The following IL10 variants were observed in gnomAD, a reference collection of about 807,000 sequenced individuals.
The protein encoded by IL10 is interleukin 10.
A neutral mutation model predicts 21.0 loss-of-function variants in IL10; 7 were observed. The ratio of observed to expected loss-of-function variants is 0.33; its 90% CI spans 0.19 to 0.63. IL10 has a LOEUF of 0.63. Ranked by LOEUF, IL10 falls within the 20% of genes least tolerant of loss-of-function variation. The probability of loss-of-function intolerance (pLI) is 0.77; values close to 1 mark genes in which losing one functional copy is unlikely to be tolerated. For synonymous variants in IL10, 83 were observed against 79.7 expected (o/e 1.04, Z -0.22); for missense variants, 161 against 213.0 (o/e 0.76, Z 1.52).
chr1:206,770,724 A>AC (rs2102438830), intron 3 of IL10, 183 bp downstream of exon 3: 4 of 642,398 alleles, frequency 6.2e-6, no homozygotes, highest in Non-Finnish European at 1.1e-5. Context: ...CCTAGCAGCC[A>AC]CCCCCAACGC....
intron 3 of IL10, 125 bp from the exon 4 acceptor site, chr1:206,770,019 C>A: frequency 1.4e-6 from 1 of 737,490 alleles, no homozygotes. Context: ...CTCACAGCTC[C>A]CAGAGAGAAC....
rs760738439 is a variant in IL10, at chr1:206,768,728, G to A, written c.445C>T (p.Leu149Phe). The change falls in exon 5 of 5, where the codon CTC becomes TTC. Residue 149 changes from leucine (L) to phenylalanine (F), a missense_variant and splice_region_variant. By Grantham distance (22) the Leu-to-Phe change is conservative (BLOSUM62 0). Coordinates refer to ENST00000423557, the MANE Select transcript of IL10 (RefSeq NM_000572.3). ...VEQVKNAFNK[L>F]QEKGIYKAMS... ...GCTTTGTAGATGCCTTTCTCTTGGA[G>A]CTGTGCAGAGAGATAAGAAACATAC... 6.3e-7 allele frequency: 1 copy of A among 1,584,882 alleles called. No individual in the cohort carries two copies. The highest frequency in any genetic ancestry group is 2.2e-5 in the East Asian group (1 of 44,730).
intron 3 of IL10, chr1:206,770,689 T>G: frequency 1.7e-6 from 1 of 589,352 alleles, no homozygotes; most frequent in Non-Finnish European, 3.0e-6. Context: ...ACAGGAAAGC[T>G]GTTTGCAAAT....
At chr1:206,772,203 G>T in intron 1 of IL10, 68 bp downstream of exon 1, 1 of 1,417,924 alleles carries the variant, frequency 7.1e-7, no homozygotes, top group Non-Finnish European at 1.0e-6. Flanking sequence ...GGTTCTTATA[G>T]TTCCAGGAGA....
Position 206,768,504 on chromosome 1 carries a change from T to C in IL10, c.*132A>G. 2 of 670,580 alleles carry C rather than the reference T, an allele frequency of 3.0e-6. No individual in the cohort carries two copies. Among genetic ancestry groups the C allele is most frequent in the Non-Finnish European group, 2.7e-6 (1 of 368,412 alleles). 41.5% of individuals were successfully genotyped at this position (670,580 alleles called of 1,614,324 possible). A position where few individuals can be genotyped will look rare whatever the true frequency, so the allele number is the denominator to read the frequency against. ...GAAATGGGGGTTGAGGTATCAGAGG[T>C]AATAAATATTCTATAAGAGAGGTAC... On this transcript the variant is annotated 3_prime_UTR_variant, in exon 5 of 5. Coordinates refer to ENST00000423557, the MANE Select transcript of IL10 (RefSeq NM_000572.3).
chr1:206,771,309 C>T lies in IL10; in HGVS notation c.225+47G>A, dbSNP rs777530778. On this transcript the variant is annotated intron_variant, in intron 2 of 4. Coordinates refer to ENST00000423557, the MANE Select transcript of IL10 (RefSeq NM_000572.3). Reference sequence around the variant, plus strand: ...CAATCAGGAAGCAGAGTCTCCCTTCCCTTAATCATGCTGCACACTCCCCCA... The same window carrying T: ...CAATCAGGAAGCAGAGTCTCCCTTCTCTTAATCATGCTGCACACTCCCCCA... 42 of 1,533,758 alleles carry T rather than the reference C, an allele frequency of 2.7e-5. No individual in the cohort carries two copies. In the South Asian group the frequency reaches 4.7e-4, roughly 17 times the overall value.
chr1:206,769,001 C>T (rs754838158), intron 4 of IL10, among the ~76,000 whole-genome samples: 15 of 152,288 alleles, frequency 9.8e-5, no homozygotes, highest in African/African-American at 2.2e-4. Flanking sequence ...TTAAAGGTCA[C>T]GTATTCACAT....
In IL10 at chr1:206,769,886, A is replaced by G. The variant is rs1674769700; in HGVS notation, c.387T>C (p.Phe129=). Residue 129 remains phenylalanine (F), a synonymous_variant, in exon 4 of 5, where the codon TTT becomes TTC. Transcript: ENST00000423557. ...LRLRLRRCHR[F]LPCENKSKAV... is the part of the protein sequence containing the mutation. The stretch of plus-strand genomic sequence containing the variant: ...CCTTGCTCTTGTTTTCACAGGGAAG[A>G]AATCGATGCTGTGGAAGAAAAGAGA... The G allele has an allele frequency of 2.5e-6, 4 of 1,613,836 alleles. No individual in the cohort carries two copies. The highest frequency in any genetic ancestry group is 3.4e-6 in the Non-Finnish European group (4 of 1,179,724).
rs781288395 is a variant in IL10, at chr1:206,769,788, G to A, written c.444+41C>T. 6.0e-6 allele frequency: 9 copies of A among 1,507,556 alleles called. No homozygotes were observed. The South Asian group carries it at 1.0e-4, about 17-fold the overall frequency. The allele number at this position is 1,507,556 out of a possible 1,614,324, so 93.4% of individuals were successfully genotyped here. A position where few individuals can be genotyped will look rare whatever the true frequency, so the allele number is the denominator to read the frequency against. On this transcript the variant is annotated intron_variant, in intron 4 of 4. Coordinates refer to ENST00000423557, the MANE Select transcript of IL10 (RefSeq NM_000572.3). ...CTTTGGGGTTGGGGAGTGGGCATGG[G>A]TTGTGCTCTGCAGACCCTCTCTGCC...
In IL10 at chr1:206,770,910, G is replaced by T. The variant is rs755403362; in HGVS notation, c.375C>A (p.Arg125=). 6 of 1,614,030 alleles carry T rather than the reference G, an allele frequency of 3.7e-6. No individual in the cohort carries two copies. In the South Asian group the frequency reaches 6.6e-5, roughly 18 times the overall value. The change falls in exon 3 of 5, where the codon CGC becomes CGA. Residue 125 remains arginine (R), a synonymous_variant. Transcript: ENST00000423557. ...NLKTLRLRLR[R]CHRFLPCENK... ...AAAAAACTGATCTGCTACTTACACA[G>T]CGCCGTAGCCTCAGCCTGAGGGTCT...
In IL10 at chr1:206,768,899, C is replaced by T. The variant is rs45611331; in HGVS notation, c.445-171G>A. On this transcript the variant is annotated intron_variant, in intron 4 of 4. Transcript: ENST00000423557. ...CCTAGCTGCCTTGGGAAAGGCTGTGCATTGACCTTCATCTCCTCCAGGCCT... is the reference window on the plus strand; with the variant it reads ...CCTAGCTGCCTTGGGAAAGGCTGTGTATTGACCTTCATCTCCTCCAGGCCT... 3.9e-3 allele frequency among the ~76,000 whole-genome samples: 589 copies of T among 152,252 alleles called. 2 individuals are homozygous for T. The highest frequency in any genetic ancestry group is 6.5e-3 in the Admixed American group (100 of 15,298).
intron 4 of IL10, among the ~76,000 whole-genome samples, chr1:206,769,150 C>A (rs1422508335): frequency 6.6e-6 from 1 of 152,180 alleles, no homozygotes; most frequent in Non-Finnish European, 1.5e-5. Flanking sequence ...GCCGCCCTGA[C>A]CTACTATGAG....
intron 1 of IL10, 94 bp downstream of exon 1, chr1:206,772,176 TG>T: frequency 9.4e-7 from 1 of 1,058,380 alleles, no homozygotes; most frequent in Non-Finnish European, 1.5e-6. Flanking sequence ...GGGATGGAGG[TG>T]GAGGCGCAGG....
At chr1:206,769,502 G>C in intron 4 of IL10, 1 of 450,262 alleles carries the variant, frequency 2.2e-6, no homozygotes. Context: ...TTCCCAACAA[G>C]CTACTTTCTG....
chr1:206,772,413 C>G lies in IL10; in HGVS notation c.23G>C (p.Cys8Ser), dbSNP rs1320508378. ...CACCCCAGTCAGGAGGACCAGGCAA[C>G]AGAGCAGTGCTGAGCTGTGCATGCC... is the stretch of plus-strand genomic sequence containing the variant. MHSSALL[C>S]CLVLLTGVRA... The change falls in exon 1 of 5, where the codon TGT (cysteine) becomes TCT (serine). Residue 8 changes from cysteine (C) to serine (S), a missense_variant. Transcript: ENST00000423557. 5.6e-6 allele frequency: 9 copies of G among 1,614,042 alleles called. No homozygotes were observed. The highest frequency in any genetic ancestry group is 7.6e-6 in the Non-Finnish European group (9 of 1,180,000).
chr1:206,769,769 G>T (rs1296568954), intron 4 of IL10, 60 bp downstream of exon 4: 7 of 1,291,350 alleles, frequency 5.4e-6, no homozygotes, highest in Non-Finnish European at 7.9e-6. Context: ...CATGCTTTGG[G>T]GTTGGGGAGT....
At position 206,768,020 on chromosome 1, in the gene IL10, G is replaced by GCGCC; in HGVS notation, c.*612_*615dup. The GCGCC allele has an allele frequency of 5.5e-6, 1 of 180,858 alleles. No homozygotes were observed. The highest frequency in any genetic ancestry group is 1.2e-5 in the Non-Finnish European group (1 of 84,716). 11.2% of individuals were successfully genotyped at this position (180,858 alleles called of 1,614,324 possible). A position where few individuals can be genotyped will look rare whatever the true frequency, so the allele number is the denominator to read the frequency against. On this transcript the variant is annotated 3_prime_UTR_variant, in exon 5 of 5. Coordinates refer to ENST00000423557, the MANE Select transcript of IL10 (RefSeq NM_000572.3). ...GCTGGGATTACAGGCGTGAGCCACC[G>GCGCC]CGCCCGGCCTAGAACCAAATTTAGG...
Position 206,768,483 on chromosome 1 carries a change from T to A in IL10, c.*153A>T, listed in dbSNP as rs1674730074. 1.6e-6 allele frequency: 1 copy of A among 626,840 alleles called. No individual in the cohort carries two copies. The highest frequency in any genetic ancestry group is 1.8e-5 in the African/African-American group (1 of 54,076). The allele number at this position is 626,840 out of a possible 1,614,324, so 38.8% of individuals were successfully genotyped here. ...GAGAAGCTCAGTAAATAAATAGAAA[T>A]GGGGGTTGAGGTATCAGAGGTAATA... On this transcript the variant is annotated 3_prime_UTR_variant, in exon 5 of 5. Transcript: ENST00000423557.
chr1:206,771,549 G>T, intron 1 of IL10, 134 bp from the exon 2 acceptor site: 1 of 751,572 alleles, frequency 1.3e-6, no homozygotes, highest in Non-Finnish European at 2.3e-6. Context: ...ATCAAAAGGG[G>T]AGTTTTAAAA....
Sources: allele counts gnomAD v4.1 joint callset (sites outside exome capture counted in the v4.1 genomes callset), GRCh38; gene constraint gnomAD v4.1.1; transcripts MANE v1.5; gene names NCBI Gene and HGNC (gene_info 2026-07-23, HGNC 2026-07-21).